The following LRRC47 variants were observed in gnomAD, a reference collection of about 807,000 sequenced individuals.
The protein encoded by LRRC47 is leucine rich repeat containing 47, also known as leucine-rich repeat-containing protein 47.
LRRC47 carries 31 observed loss-of-function variants against 40.9 expected under a neutral mutation model. The ratio of observed to expected loss-of-function variants is 0.76; its 90% CI spans 0.57 to 1.02. The LOEUF (loss-of-function observed/expected upper bound fraction) is 1.02. LRRC47 is among the 50% of genes least tolerant of loss of function. The pLI, the probability that LRRC47 is intolerant of heterozygous loss-of-function variation, is 0.00. For missense variants in LRRC47, 726 were observed against 796.1 expected (o/e 0.91, Z 1.06); for synonymous variants, 427 against 371.9 (o/e 1.15, Z -1.70).
rs200296048 is a variant in LRRC47, at chr1:3,783,089, CA to C, written c.1311-327del. Reference sequence around the variant, plus strand: ...ATTAGCCACCTCACTCCAGCCTGGGCAACATGGCGCGACCACATCTTAAAAA... The same window carrying C: ...ATTAGCCACCTCACTCCAGCCTGGGCACATGGCGCGACCACATCTTAAAAA... On this transcript the variant is annotated intron_variant, in intron 4 of 6. Transcript: ENST00000378251. The C allele has an allele frequency of 4.5e-4, 107 of 236,294 alleles. No homozygotes were observed. In the East Asian group the frequency reaches 8.4e-3, roughly 19 times the overall value. The allele number at this position is 236,294 out of a possible 1,614,324, so 14.6% of individuals were successfully genotyped here. A position where few individuals can be genotyped will look rare whatever the true frequency, so the allele number is the denominator to read the frequency against.
At chr1:3,791,233 C>A (rs374589917) in intron 1 of LRRC47, among the ~76,000 whole-genome samples, 10 of 152,338 alleles carry the variant, frequency 6.6e-5, no homozygotes, top group African/African-American at 2.4e-4. Flanking sequence ...CGGAGCCAGC[C>A]CAGAGCGCAG....
At position 3,779,884 on chromosome 1, in the gene LRRC47, A is replaced by C. The variant is rs143525442; in HGVS notation, c.*1204T>G. The C allele has an allele frequency of 7.2e-5, 11 of 152,294 alleles. No individual in the cohort carries two copies. In the East Asian group the frequency reaches 2.1e-3, roughly 29 times the overall value. 9.4% of individuals were successfully genotyped at this position (152,294 alleles called of 1,614,324 possible). On this transcript the variant is annotated 3_prime_UTR_variant, in exon 7 of 7. Coordinates refer to ENST00000378251, the MANE Select transcript of LRRC47 (RefSeq NM_020710.3). ...AGGCTGCTTGCCTGAAGGGGTCTCC[A>C]CATCTCCACCCCCACAAAGCAATCC... is the stretch of plus-strand genomic sequence containing the variant.
intron 6 of LRRC47, 46 bp downstream of exon 6, chr1:3,781,466 A>G (rs1388642468): frequency 6.3e-7 from 1 of 1,584,570 alleles, no homozygotes; most frequent in African/African-American, 1.4e-5. Context: ...GCAGAGCACC[A>G]CTCACGCTCA....
intron 2 of LRRC47, 131 bp downstream of exon 2, chr1:3,786,718 G>T: frequency 1.2e-6 from 1 of 858,516 alleles, no homozygotes; most frequent in East Asian, 2.7e-5. Flanking sequence ...GGAAACTGAA[G>T]CACACAGACA....
intron 4 of LRRC47, among the ~76,000 whole-genome samples, chr1:3,783,404 G>C (rs1293084466): frequency 2.2e-5 from 3 of 138,296 alleles, no homozygotes; most frequent in Non-Finnish European, 3.0e-5. Context: ...TGGGCGACAA[G>C]AGTGAGACCC....
At chr1:3,788,963 G>A (rs1643602697) in intron 1 of LRRC47, among the ~76,000 whole-genome samples, 2 of 152,212 alleles carry the variant, frequency 1.3e-5, no homozygotes, top group Non-Finnish European at 2.9e-5. Context: ...CGCGTCCATC[G>A]GATCTAACAG....
chr1:3,794,778 G>A (rs1643657850), intron 1 of LRRC47, among the ~76,000 whole-genome samples: 1 of 151,974 alleles, frequency 6.6e-6, no homozygotes, highest in Non-Finnish European at 1.5e-5. Flanking sequence ...ACATAGGCCA[G>A]GCGCGGTGGC....
Position 3,796,330 on chromosome 1 carries a change from C to CA in LRRC47, c.146dup (p.Pro50AlafsTer134). On this transcript the variant is annotated frameshift_variant, in exon 1 of 7. Coordinates refer to ENST00000378251, the MANE Select transcript of LRRC47 (RefSeq NM_020710.3). LOFTEE classifies it high-confidence loss of function. ...TCACTTCCAAGTAGTGCAGCAGCGGCAGGGTGAAAAGCCGCGGCGGCAGCT... is the reference window on the plus strand; with the variant it reads ...TCACTTCCAAGTAGTGCAGCAGCGGCAAGGGTGAAAAGCCGCGGCGGCAGCT... 1 of 1,508,482 alleles carries CA rather than the reference C, an allele frequency of 6.6e-7. No individual in the cohort carries two copies. Among genetic ancestry groups the CA allele is most frequent in the South Asian group, 1.2e-5 (1 of 81,568 alleles). The allele number at this position is 1,508,482 out of a possible 1,614,324, so 93.4% of individuals were successfully genotyped here. A position where few individuals can be genotyped will look rare whatever the true frequency, so the allele number is the denominator to read the frequency against.
chr1:3,786,885 C>T lies in LRRC47; in HGVS notation c.1041G>A (p.Gln347=). The stretch of plus-strand genomic sequence containing the variant: ...GGAAGCGCTTGAGTGCATTCCCTGG[C>T]TGCAGGTCCATGCCTCGCACCACGG... ...VGAVVRGMDL[Q]PGNALKRFLT... is the part of the protein sequence containing the mutation. The change falls in exon 2 of 7, where the codon CAG becomes CAA. Residue 347 remains glutamine (Q), a synonymous_variant. Transcript: ENST00000378251. The T allele has an allele frequency of 1.2e-6, 2 of 1,603,514 alleles. No individual in the cohort carries two copies. Among genetic ancestry groups the T allele is most frequent in the South Asian group, 1.1e-5 (1 of 89,282 alleles).
At chr1:3,789,078 C>T (rs1015147494) in intron 1 of LRRC47, among the ~76,000 whole-genome samples, 6 of 152,240 alleles carry the variant, frequency 3.9e-5, no homozygotes, top group Admixed American at 6.5e-5. Flanking sequence ...CCACATGGGA[C>T]GAGAGCCAAT....
intron 4 of LRRC47, chr1:3,783,753 T>C (rs1643543866): frequency 3.9e-6 from 2 of 518,754 alleles, no homozygotes; most frequent in East Asian, 3.1e-5. Context: ...ACCCGCCCCC[T>C]GTGGAATGGC....
Position 3,791,478 on chromosome 1 carries a change from C to T in LRRC47, c.616-4168G>A, listed in dbSNP as rs186398255. The stretch of plus-strand genomic sequence containing the variant: ...TTCTTTCTCTCCTTTTTTCTTGAGA[C>T]GAAGTTTCACTCTTATTGCCCAGAC... On this transcript the variant is annotated intron_variant, in intron 1 of 6. Coordinates refer to ENST00000378251, the MANE Select transcript of LRRC47 (RefSeq NM_020710.3). Among the ~76,000 whole-genome samples, 856 of 152,182 alleles carry T rather than the reference C, an allele frequency of 5.6e-3. 7 individuals are homozygous for T. The highest frequency in any genetic ancestry group is 0.018 in the African/African-American group (733 of 41,512).
chr1:3,784,374 G>A (rs796687515), intron 3 of LRRC47, among the ~76,000 whole-genome samples: 1 of 152,210 alleles, frequency 6.6e-6, no homozygotes, highest in African/African-American at 2.4e-5. Flanking sequence ...ATGCACAACT[G>A]TTTCCAGAGG....
chr1:3,787,419 G>A, intron 1 of LRRC47, 109 bp from the exon 2 acceptor site: 2 of 1,101,596 alleles, frequency 1.8e-6, no homozygotes, highest in Non-Finnish European at 2.5e-6. Context: ...GCCACCACTG[G>A]CCTGTCTGTG....
In LRRC47 at chr1:3,784,125, A is replaced by C. The variant is rs754723598; in HGVS notation, c.1195-14T>G. 4.0e-5 allele frequency: 64 copies of C among 1,595,990 alleles called. No homozygotes were observed. Among genetic ancestry groups the C allele is most frequent in the Non-Finnish European group, 5.5e-5 (64 of 1,170,612 alleles). On this transcript the variant is annotated splice_polypyrimidine_tract_variant and intron_variant, in intron 3 of 6. Coordinates refer to ENST00000378251, the MANE Select transcript of LRRC47 (RefSeq NM_020710.3). Reference sequence around the variant, plus strand: ...CAAGGGGACAATCTATCGGGCAGAAACCCACAAACTCCACTAGGGTCACAG... The same window carrying C: ...CAAGGGGACAATCTATCGGGCAGAACCCCACAAACTCCACTAGGGTCACAG...
At chr1:3,782,320 G>A (rs1262729547) in intron 5 of LRRC47, among the ~76,000 whole-genome samples, 1 of 151,994 alleles carries the variant, frequency 6.6e-6, no homozygotes. Context: ...TGGGGTTCAA[G>A]CGATTCTCCT....
intron 2 of LRRC47, 174 bp from the exon 3 acceptor site, chr1:3,785,377 G>T (rs575485168): frequency 2.1e-4 from 73 of 352,806 alleles, no homozygotes; most frequent in Admixed American, 3.3e-4. Flanking sequence ...CTCTCCACCC[G>T]GCCAGCCAGG....
At chr1:3,791,827 C>T (rs1034430709) in intron 1 of LRRC47, among the ~76,000 whole-genome samples, 5 of 152,136 alleles carry the variant, frequency 3.3e-5, no homozygotes, top group African/African-American at 1.2e-4. Context: ...GATCATGGCT[C>T]ACTGCAGCCT....
Position 3,796,464 on chromosome 1 carries a change from C to A in LRRC47, c.13G>T (p.Ala5Ser). 1 of 1,509,176 alleles carries A rather than the reference C, an allele frequency of 6.6e-7. No individual in the cohort carries two copies. The allele number at this position is 1,509,176 out of a possible 1,614,324, so 93.5% of individuals were successfully genotyped here. The stretch of plus-strand genomic sequence containing the variant: ...AGCTCCGGCCAAGACTCTGACACCG[C>A]TGCCGCCGCCATGGCGCCTCAGCTG... MAAA[A>S]VSESWPELEL... Residue 5 changes from alanine to serine, a missense_variant, in exon 1 of 7, where the codon GCG (alanine) becomes TCG (serine). Physicochemically the swap from Ala to Ser is moderately conservative, Grantham distance 99 (BLOSUM62 1). Coordinates refer to ENST00000378251, the MANE Select transcript of LRRC47 (RefSeq NM_020710.3).
Sources: gnomAD v4.1 joint callset for allele counts (sites outside exome capture counted in the v4.1 genomes callset) on GRCh38, gnomAD v4.1.1 for gene constraint, MANE v1.5 for transcripts, NCBI Gene and HGNC (gene_info 2026-07-23, HGNC 2026-07-21) for gene names.